UTP11: variants seen among roughly 807,000 people sequenced by gnomAD.
UTP11 encodes the protein UTP11 small subunit processome component, also known as probable U3 small nucleolar RNA-associated protein 11.
In UTP11, 29 loss-of-function variants were observed where a neutral mutation model predicts 39.0. That is an observed-to-expected ratio of 0.74 (90% CI 0.55 to 1.01). UTP11 has a LOEUF of 1.01. Among genes scored for constraint, UTP11 ranks in the 50% least tolerant of loss-of-function variants. UTP11 has a pLI of 0.00. For missense variants in UTP11, 281 were observed against 306.0 expected, an observed-to-expected ratio of 0.92 and a Z score of 0.61; for synonymous variants, 111 against 105.0, an observed-to-expected ratio of 1.06 and a Z score of -0.35.
Position 38,018,582 on chromosome 1 carries a change from T to G in UTP11, c.342+5T>G, listed in dbSNP as rs759298017. Reference sequence around the variant, plus strand: ...AAGAGGGTTGCAGAAGCTAAGGTAATTCACTCTTTGTTCTGATTGGTTTTA... The same window carrying G: ...AAGAGGGTTGCAGAAGCTAAGGTAAGTCACTCTTTGTTCTGATTGGTTTTA... On this transcript the variant is annotated splice_donor_5th_base_variant and intron_variant, in intron 4 of 7. Coordinates refer to ENST00000373014, the MANE Select transcript of UTP11 (RefSeq NM_016037.4). 14 of 1,600,986 alleles carry G rather than the reference T, an allele frequency of 8.7e-6. No individual in the cohort carries two copies. The East Asian group carries it at 3.1e-4, about 36-fold the overall frequency.
chr1:38,022,819 G>A lies in UTP11; in HGVS notation c.678+10G>A, dbSNP rs1646746009. 2 of 1,584,184 alleles carry A rather than the reference G, an allele frequency of 1.3e-6. No individual in the cohort carries two copies. The highest frequency in any genetic ancestry group is 1.7e-6 in the Non-Finnish European group (2 of 1,158,434). On this transcript the variant is annotated intron_variant, in intron 7 of 7. Coordinates refer to ENST00000373014, the MANE Select transcript of UTP11 (RefSeq NM_016037.4). ...ACGCAAAGATCTTATGGTGAGGAGAGAGAGCCTTAGGCCTCTTTTTTTTTT... is the reference window on the plus strand; with the variant it reads ...ACGCAAAGATCTTATGGTGAGGAGAAAGAGCCTTAGGCCTCTTTTTTTTTT...
At chr1:38,017,624 A>AT (rs61711547) in intron 2 of UTP11, 44 bp from the exon 3 acceptor site, 73,080 of 1,046,344 alleles carry the variant, frequency 0.07, 364 homozygotes, top group East Asian at 0.16. Context: ...AAAATTATCT[A>AT]TTTTTTTTTT....
Position 38,016,213 on chromosome 1 carries a change from G to C in UTP11, c.64-146G>C, listed in dbSNP as rs187317699. 1.6e-4 allele frequency: 121 copies of C among 761,416 alleles called. No homozygotes were observed. The African/African-American group carries it at 1.7e-3, about 11-fold the overall frequency. 47.2% of individuals were successfully genotyped at this position (761,416 alleles called of 1,614,324 possible). On this transcript the variant is annotated intron_variant, in intron 1 of 7. Transcript: ENST00000373014. Reference sequence around the variant, plus strand: ...CTTGGGCAGAGCCCAGTTGTGGGGAGGGGAGGGAACAGGGTCATGGGTTAG... The same window carrying C: ...CTTGGGCAGAGCCCAGTTGTGGGGACGGGAGGGAACAGGGTCATGGGTTAG...
At chr1:38,021,029 C>A (rs1247719253) in intron 6 of UTP11, among the ~76,000 whole-genome samples, 2 of 151,822 alleles carry the variant, frequency 1.3e-5, no homozygotes, top group East Asian at 3.9e-4. Flanking sequence ...TCAAGCAATT[C>A]TCTTGCCTCA....
chr1:38,018,030 C>T lies in UTP11; in HGVS notation c.228+260C>T, dbSNP rs7514999. Among the ~76,000 whole-genome samples, 317 of 151,936 alleles carry T rather than the reference C, an allele frequency of 2.1e-3. 5 individuals are homozygous for T. The highest frequency in any genetic ancestry group is 7.4e-3 in the African/African-American group (306 of 41,446). ...CTACATTGAACGTACGCCTCAGGGG[C>T]CTGTGTCTAGGATTGCTGTTAGCAT... On this transcript the variant is annotated intron_variant, in intron 3 of 7. Transcript: ENST00000373014.
chr1:38,015,575 G>C (rs139899059), intron 1 of UTP11, among the ~76,000 whole-genome samples: 2 of 152,270 alleles, frequency 1.3e-5, no homozygotes, highest in East Asian at 1.9e-4. Flanking sequence ...ATGAAATTGT[G>C]TAAGGAGCAT....
At position 38,018,507 on chromosome 1, in the gene UTP11, C is replaced by A. The variant is rs534841075; in HGVS notation, c.272C>A (p.Pro91Gln). Residue 91 changes from proline (P) to glutamine (Q), a missense_variant, in exon 4 of 8, where the codon CCA becomes CAA. Pro to Gln is a moderately conservative substitution (Grantham distance 76). Transcript: ENST00000373014. ...AAGGAGACTAAGGAAGAAGTAACCC[C>A]AGAACAACTAAAGCTGATGAGAACT... ...IIKETKEEVT[P>Q]EQLKLMRTQD... is the part of the protein sequence containing the mutation. The A allele has an allele frequency of 3.2e-5, 52 of 1,613,672 alleles. No individual in the cohort carries two copies. Among genetic ancestry groups the A allele is most frequent in the Non-Finnish European group, 4.2e-5 (50 of 1,179,912 alleles).
rs1646719500 is a variant in UTP11, at chr1:38,018,664, T to C, written c.342+87T>C. The stretch of plus-strand genomic sequence containing the variant: ...TCTCAAGTTATTCATTAATTTCTTC[T>C]GGCATTTACAATCTCACTTGATTGT... On this transcript the variant is annotated intron_variant, in intron 4 of 7. Coordinates refer to ENST00000373014, the MANE Select transcript of UTP11 (RefSeq NM_016037.4). The C allele has an allele frequency of 5.7e-6, 6 of 1,043,818 alleles. No homozygotes were observed. In the East Asian group the frequency reaches 1.4e-4, roughly 25 times the overall value. 64.7% of individuals were successfully genotyped at this position (1,043,818 alleles called of 1,614,324 possible).
At chr1:38,022,891 C>G (rs768763654) in intron 7 of UTP11, 82 bp downstream of exon 7, 10 of 967,534 alleles carry the variant, frequency 1.0e-5, no homozygotes, top group Non-Finnish European at 1.6e-5. Context: ...GACTAGATTT[C>G]AGCTGTGTGT....
intron 6 of UTP11, among the ~76,000 whole-genome samples, 169 bp from the exon 7 acceptor site, chr1:38,022,530 T>G (rs1272838046): frequency 6.6e-6 from 1 of 152,170 alleles, no homozygotes; most frequent in Non-Finnish European, 1.5e-5. Flanking sequence ...AGCTCCAGAA[T>G]GTGATGTTCC....
intron 2 of UTP11, 56 bp downstream of exon 2, chr1:38,016,476 A>C (rs1372134036): frequency 1.3e-6 from 2 of 1,582,302 alleles, no homozygotes; most frequent in Non-Finnish European, 8.7e-7. Context: ...ACCTCCTTGC[A>C]CTGCAGCTGA....
At chr1:38,018,993 G>GTTT (rs200532400) in intron 4 of UTP11, 66 bp from the exon 5 acceptor site, 1,627 of 1,098,830 alleles carry the variant, frequency 1.5e-3, no homozygotes, top group South Asian at 4.5e-3. Flanking sequence ...AACTTTTGCA[G>GTTT]TTTTTTTTTT....
At chr1:38,015,637 G>A (rs768392354) in intron 1 of UTP11, among the ~76,000 whole-genome samples, 23 of 152,322 alleles carry the variant, frequency 1.5e-4, no homozygotes, top group Non-Finnish European at 3.2e-4. Context: ...ATGGTAGTAT[G>A]TAGAAGGATC....
Position 38,024,598 on chromosome 1 carries a change from G to C in UTP11, c.*970G>C, listed in dbSNP as rs1026892132. 3 of 150,398 alleles carry C rather than the reference G, an allele frequency of 2.0e-5. No homozygotes were observed. Among genetic ancestry groups the C allele is most frequent in the Non-Finnish European group, 4.4e-5 (3 of 67,654 alleles). 9.3% of individuals were successfully genotyped at this position (150,398 alleles called of 1,614,324 possible). ...TTTTTTGTATTTTTTTAGTAGAGAC[G>C]GGGTTTCACCTTGTTAGCCAGGATG... On this transcript the variant is annotated 3_prime_UTR_variant, in exon 8 of 8. Transcript: ENST00000373014.
At chr1:38,015,130 C>T (rs1359503733) in intron 1 of UTP11, among the ~76,000 whole-genome samples, 1 of 152,178 alleles carries the variant, frequency 6.6e-6, no homozygotes, top group Non-Finnish European at 1.5e-5. Context: ...TCAAGCAATT[C>T]TCCCAGCTCA....
intron 7 of UTP11, 44 bp from the exon 8 acceptor site, chr1:38,023,501 A>G: frequency 6.4e-7 from 1 of 1,566,280 alleles, no homozygotes; most frequent in South Asian, 1.2e-5. Context: ...ATTTTACAAA[A>G]CCATTTCCTT....
At position 38,016,369 on chromosome 1, in the gene UTP11, G is replaced by T. The variant is rs775879989; in HGVS notation, c.74G>T (p.Arg25Leu). 1 of 1,614,168 alleles carries T rather than the reference G, an allele frequency of 6.2e-7. No individual in the cohort carries two copies. The change falls in exon 2 of 8, where the codon CGA (arginine) becomes CTA (leucine). Residue 25 changes from arginine (R) to leucine (L), a missense_variant. Coordinates refer to ENST00000373014, the MANE Select transcript of UTP11 (RefSeq NM_016037.4). ...TCTTTTGTCTTCTAGCCTGGCTTTC[G>T]AAAACATCTGGGCCTGCTGGAGAAA... ...EHRERSQPGF[R>L]KHLGLLEKKK...
chr1:38,022,822 A>C lies in UTP11; in HGVS notation c.678+13A>C. The C allele has an allele frequency of 1.3e-6, 2 of 1,546,934 alleles. No individual in the cohort carries two copies. Among genetic ancestry groups the C allele is most frequent in the African/African-American group, 1.4e-5 (1 of 72,254 alleles). On this transcript the variant is annotated intron_variant, in intron 7 of 7. Transcript: ENST00000373014. ...CAAAGATCTTATGGTGAGGAGAGAGAGCCTTAGGCCTCTTTTTTTTTTTTT... is the reference window on the plus strand; with the variant it reads ...CAAAGATCTTATGGTGAGGAGAGAGCGCCTTAGGCCTCTTTTTTTTTTTTT...
At chr1:38,021,395 T>C (rs1353439508) in intron 6 of UTP11, among the ~76,000 whole-genome samples, 1 of 152,216 alleles carries the variant, frequency 6.6e-6, no homozygotes, top group Non-Finnish European at 1.5e-5. Context: ...TTCTTTCTAT[T>C]TTGTTTACTG....
Sources: gnomAD v4.1 joint callset for allele counts (sites outside exome capture counted in the v4.1 genomes callset) on GRCh38, gnomAD v4.1.1 for gene constraint, MANE v1.5 for transcripts, NCBI Gene and HGNC (gene_info 2026-07-23, HGNC 2026-07-21) for gene names.